Variants in RAPGEF5 observed in about 807,000 individuals in gnomAD.
RAPGEF5 encodes M-Ras-regulated GEF.
In RAPGEF5, 65 loss-of-function variants were observed where a neutral mutation model predicts 125.2. That is an observed-to-expected ratio of 0.52 (90% confidence interval 0.43 to 0.64). The LOEUF is 0.64. Among genes scored for constraint, RAPGEF5 ranks in the 30% least tolerant of loss-of-function variants. The pLI is 0.00. For missense variants in RAPGEF5, 958 were observed against 1,048.1 expected (o/e 0.91, Z 1.19); for synonymous variants, 391 against 385.9 (o/e 1.01, Z -0.16).
chr7:22,202,968 A>T (rs754544866), intron 9 of RAPGEF5: 10 of 289,768 alleles, frequency 3.5e-5, no homozygotes, highest in Non-Finnish European at 6.4e-5. Flanking sequence ...CCATCCAAGT[A>T]TACTAACACT....
intron 11 of RAPGEF5, among the ~76,000 whole-genome samples, chr7:22,168,938 C>T (rs1329889335): frequency 6.6e-6 from 1 of 152,136 alleles, no homozygotes; most frequent in Non-Finnish European, 1.5e-5. Flanking sequence ...ATAGTATTCC[C>T]TGTCAAAATA....
In RAPGEF5 at chr7:22,213,404, T is replaced by C. The variant is rs111862031; in HGVS notation, c.996+6462A>G. Among the ~76,000 whole-genome samples the C allele has an allele frequency of 2.2e-4, 34 of 152,330 alleles. 1 individual carries two copies. The highest frequency in any genetic ancestry group is 7.9e-4 in the African/African-American group (33 of 41,574). On this transcript the variant is annotated intron_variant, in intron 9 of 25. Transcript: ENST00000665637. ...TGAAATGTGTTTGCCAGATTTTACTTCCCTCTAAATGTCTTATTTAGAGAC... is the reference window on the plus strand; with the variant it reads ...TGAAATGTGTTTGCCAGATTTTACTCCCCTCTAAATGTCTTATTTAGAGAC...
intron 8 of RAPGEF5, among the ~76,000 whole-genome samples, chr7:22,220,984 C>T (rs915001438): frequency 3.3e-5 from 5 of 152,142 alleles, no homozygotes; most frequent in African/African-American, 4.8e-5. Context: ...TAAAGATACC[C>T]GTGTTGTTGA....
intron 1 of RAPGEF5, among the ~76,000 whole-genome samples, chr7:22,333,902 T>C (rs1460876945): frequency 6.6e-6 from 1 of 152,056 alleles, no homozygotes; most frequent in East Asian, 1.9e-4. Context: ...GGGCACGGCA[T>C]GGCTTGACAT....
intron 7 of RAPGEF5, among the ~76,000 whole-genome samples, chr7:22,237,852 G>T (rs1420208745): frequency 1.3e-5 from 2 of 152,138 alleles, no homozygotes; most frequent in African/African-American, 4.8e-5. Flanking sequence ...CTACTGAACT[G>T]AACAAAGGTA....
At chr7:22,336,488 A>G (rs1784028922) in intron 1 of RAPGEF5, among the ~76,000 whole-genome samples, 2 of 152,206 alleles carry the variant, frequency 1.3e-5, no homozygotes, top group South Asian at 2.1e-4. Context: ...TTAATTATCA[A>G]TTATGTATGT....
intron 9 of RAPGEF5, chr7:22,194,501 A>T (rs771234117): frequency 8.5e-5 from 69 of 816,090 alleles, no homozygotes; most frequent in Non-Finnish European, 9.9e-5. Flanking sequence ...AGTAGTTGCA[A>T]TCAATACATA....
At chr7:22,355,869 A>G in intron 1 of RAPGEF5, 1 of 802,684 alleles carries the variant, frequency 1.2e-6, no homozygotes, top group Non-Finnish European at 1.5e-6. Context: ...AAGTCAGACA[A>G]GACTGCATTT....
chr7:22,148,136 T>C (rs1053366190), intron 18 of RAPGEF5, among the ~76,000 whole-genome samples: 5 of 152,136 alleles, frequency 3.3e-5, no homozygotes, highest in Non-Finnish European at 7.4e-5. Context: ...GTAGAGGTGT[T>C]GAGGTGGAGG....
intron 1 of RAPGEF5, among the ~76,000 whole-genome samples, chr7:22,353,949 G>C (rs900303875): frequency 2.0e-5 from 3 of 152,090 alleles, no homozygotes; most frequent in Non-Finnish European, 4.4e-5. Flanking sequence ...GTGTGTGCCT[G>C]TATCCCAGTT....
At chr7:22,153,255 G>A (rs1459272449) in intron 17 of RAPGEF5, among the ~76,000 whole-genome samples, 1 of 152,144 alleles carries the variant, frequency 6.6e-6, no homozygotes, top group Non-Finnish European at 1.5e-5. Flanking sequence ...TAATTAAGCA[G>A]TATTGATAAA....
chr7:22,262,132 G>A (rs999040536), intron 7 of RAPGEF5, among the ~76,000 whole-genome samples: 1 of 151,932 alleles, frequency 6.6e-6, no homozygotes, highest in African/African-American at 2.4e-5. Context: ...CTACAGACTA[G>A]AAGAAAATAT....
chr7:22,247,036 T>C (rs777822525), intron 7 of RAPGEF5, among the ~76,000 whole-genome samples: 3 of 152,242 alleles, frequency 2.0e-5, no homozygotes, highest in Non-Finnish European at 4.4e-5. Context: ...AGTTATCATC[T>C]GACACCAGTC....
chr7:22,128,791 C>T (rs541239935), intron 24 of RAPGEF5, among the ~76,000 whole-genome samples: 5 of 152,318 alleles, frequency 3.3e-5, no homozygotes, highest in South Asian at 2.1e-4. Flanking sequence ...GCCTGCCTGA[C>T]GGGCTTGCGT....
chr7:22,288,065 A>G (rs367666997), intron 6 of RAPGEF5, among the ~76,000 whole-genome samples: 1 of 151,976 alleles, frequency 6.6e-6, no homozygotes, highest in African/African-American at 2.4e-5. Flanking sequence ...TAGCCTGGGG[A>G]TTTTTCCAGC....
intron 1 of RAPGEF5, among the ~76,000 whole-genome samples, chr7:22,324,552 T>C (rs574102657): frequency 6.6e-6 from 1 of 152,362 alleles, no homozygotes; most frequent in South Asian, 2.1e-4. Flanking sequence ...GAACTCCCTT[T>C]GTACTAGTTT....
rs548891150 is a variant in RAPGEF5, at chr7:22,257,494, C to T, written c.796+9470G>A. ...ACAGCAGGGGCCATACTTGTCCTTGCTCACTATTGTATCCTGTGTCTTACA... is the reference window on the plus strand; with the variant it reads ...ACAGCAGGGGCCATACTTGTCCTTGTTCACTATTGTATCCTGTGTCTTACA... On this transcript the variant is annotated intron_variant, in intron 7 of 25. Coordinates refer to ENST00000665637, the MANE Select transcript of RAPGEF5 (RefSeq NM_012294.5). 2.0e-5 allele frequency among the ~76,000 whole-genome samples: 3 copies of T among 152,194 alleles called. No individual in the cohort carries two copies. The East Asian group carries it at 5.8e-4, about 29-fold the overall frequency.
At chr7:22,232,964 G>C (rs1326129170) in intron 7 of RAPGEF5, among the ~76,000 whole-genome samples, 1 of 152,208 alleles carries the variant, frequency 6.6e-6, no homozygotes, top group Non-Finnish European at 1.5e-5. Flanking sequence ...AAGAGGTGAA[G>C]AGGGTAGAAG....
At chr7:22,295,616 G>A (rs1482105048) in intron 5 of RAPGEF5, among the ~76,000 whole-genome samples, 5 of 152,244 alleles carry the variant, frequency 3.3e-5, no homozygotes, top group Non-Finnish European at 7.4e-5. Context: ...GGGAGAGGAG[G>A]TAATGAGTAA....
Sources: gnomAD v4.1 joint callset for allele counts (sites outside exome capture counted in the v4.1 genomes callset) on GRCh38, gnomAD v4.1.1 for gene constraint, MANE v1.5 for transcripts, NCBI Gene and HGNC (gene_info 2026-07-23, HGNC 2026-07-21) for gene names.